Variants in TMEM116 observed in about 807,000 individuals in gnomAD.
TMEM116 encodes the protein transmembrane protein 116.
A neutral mutation model predicts 44.3 loss-of-function variants in TMEM116; 38 were observed. The ratio of observed to expected loss-of-function variants is 0.86; its 90% CI spans 0.66 to 1.12. The LOEUF is 1.12. TMEM116 is among the 50% of genes most tolerant of loss of function. The pLI, the probability that TMEM116 is intolerant of heterozygous loss-of-function variation, is 0.00. For missense variants in TMEM116, 354 were observed against 401.7 expected (o/e 0.88, Z 1.01); for synonymous variants, 132 against 144.8 (o/e 0.91, Z 0.64).
At chr12:111,941,374 CA>C (rs539600816) in intron 5 of TMEM116, among the ~76,000 whole-genome samples, 2,533 of 60,376 alleles carry the variant, frequency 0.042, 47 homozygotes, top group African/African-American at 0.13. Flanking sequence ...GATTCCATCT[CA>C]AAAAAAAAAA....
intron 4 of TMEM116, among the ~76,000 whole-genome samples, chr12:111,988,162 G>A (rs1214735165): frequency 6.6e-6 from 1 of 152,146 alleles, no homozygotes; most frequent in Non-Finnish European, 1.5e-5. Context: ...TGGTTACCAG[G>A]AGCTGGTACT....
In TMEM116 at chr12:111,982,017, C is replaced by T. The variant is rs1258973801; in HGVS notation, c.210+9741G>A. On this transcript the variant is annotated intron_variant, in intron 4 of 10. Coordinates refer to ENST00000552374, the MANE Select transcript of TMEM116 (RefSeq NM_001193531.2). ...AAAGTAGATAGTAGAATGGTGATTA[C>T]CAAGAACTAGGAGGTGGGGAGGAAG... 4.0e-5 allele frequency among the ~76,000 whole-genome samples: 6 copies of T among 151,840 alleles called. No homozygotes were observed. In the East Asian group the frequency reaches 7.7e-4, roughly 20 times the overall value.
At chr12:112,004,977 A>G (rs1952795191) in intron 2 of TMEM116, among the ~76,000 whole-genome samples, 1 of 152,118 alleles carries the variant, frequency 6.6e-6, no homozygotes, top group African/African-American at 2.4e-5. Flanking sequence ...AATTTTTAGT[A>G]TAGGTGCTGC....
At chr12:111,986,416 G>A (rs1416118735) in intron 4 of TMEM116, among the ~76,000 whole-genome samples, 1 of 151,994 alleles carries the variant, frequency 6.6e-6, no homozygotes, top group Non-Finnish European at 1.5e-5. Flanking sequence ...CATATAGACC[G>A]AATGGATCAG....
intron 4 of TMEM116, among the ~76,000 whole-genome samples, chr12:111,991,555 A>G (rs917401350): frequency 8.6e-5 from 13 of 151,886 alleles, no homozygotes; most frequent in Non-Finnish European, 1.6e-4. Flanking sequence ...AAGAGTAAAG[A>G]TAACATTATT....
At chr12:111,984,773 G>A (rs958481796) in intron 4 of TMEM116, among the ~76,000 whole-genome samples, 1 of 151,876 alleles carries the variant, frequency 6.6e-6, no homozygotes, top group Admixed American at 6.6e-5. Flanking sequence ...TACATTGCAT[G>A]CCTGTATCAA....
chr12:111,943,199 C>G, intron 5 of TMEM116, 66 bp downstream of exon 5: 1 of 1,273,322 alleles, frequency 7.9e-7, no homozygotes. Flanking sequence ...GCTGGGATTA[C>G]AGGTAGGAGT....
At chr12:111,994,532 T>A (rs1457717527) in intron 3 of TMEM116, among the ~76,000 whole-genome samples, 1 of 152,156 alleles carries the variant, frequency 6.6e-6, no homozygotes, top group East Asian at 1.9e-4. Context: ...GGTAGGTTAG[T>A]GAGGGATTTA....
chr12:111,938,824 A>C (rs2072408003), intron 5 of TMEM116, among the ~76,000 whole-genome samples: 1 of 152,202 alleles, frequency 6.6e-6, no homozygotes, highest in Non-Finnish European at 1.5e-5. Flanking sequence ...CTTATGATGT[A>C]AGACTTTGAA....
chr12:111,941,664 G>T (rs149418421), intron 5 of TMEM116, among the ~76,000 whole-genome samples: 88 of 152,236 alleles, frequency 5.8e-4, no homozygotes, highest in African/African-American at 2.0e-3. Flanking sequence ...ATGATATCTT[G>T]TTCAGGATAC....
chr12:111,939,880 CTGTGTGTGTGTGTGTGTGTG>C (rs61322648), intron 5 of TMEM116, among the ~76,000 whole-genome samples: 52 of 130,464 alleles, frequency 4.0e-4, no homozygotes, highest in South Asian at 1.6e-3. Flanking sequence ...CTTCAAAGCT[CTGTGTGTGTGTGTGTGTGTG>C]TGTGTGTGTG....
In TMEM116 at chr12:111,983,583, C is replaced by T. The variant is rs541137951; in HGVS notation, c.210+8175G>A. On this transcript the variant is annotated intron_variant, in intron 4 of 10. Coordinates refer to ENST00000552374, the MANE Select transcript of TMEM116 (RefSeq NM_001193531.2). ...CTGCACTCCAGCCTGGGAGACAGAGCAAGACCCTGTCTCAAACAATAATAA... is the reference window on the plus strand; with the variant it reads ...CTGCACTCCAGCCTGGGAGACAGAGTAAGACCCTGTCTCAAACAATAATAA... 2.0e-5 allele frequency among the ~76,000 whole-genome samples: 3 copies of T among 152,060 alleles called. No homozygotes were observed. In the South Asian group the frequency reaches 6.3e-4, roughly 32 times the overall value.
intron 4 of TMEM116, among the ~76,000 whole-genome samples, chr12:111,968,992 CAAAAAAAAA>C (rs1176204219): frequency 4.4e-5 from 2 of 45,194 alleles, no homozygotes; most frequent in Admixed American, 4.9e-4. Flanking sequence ...GACTCTATCT[CAAAAAAAAA>C]AAAAAAAAAA....
chr12:111,988,029 C>T (rs571364030), intron 4 of TMEM116, among the ~76,000 whole-genome samples: 1 of 152,270 alleles, frequency 6.6e-6, no homozygotes, highest in South Asian at 2.1e-4. Flanking sequence ...CATGCTACAA[C>T]AAGATAAACC....
chr12:111,990,769 C>T (rs940976114), intron 4 of TMEM116, among the ~76,000 whole-genome samples: 2 of 152,158 alleles, frequency 1.3e-5, no homozygotes, highest in South Asian at 2.1e-4. Context: ...AAAAGATATA[C>T]AATCCATATA....
At chr12:111,996,039 C>CCA (rs2076916801) in intron 3 of TMEM116, among the ~76,000 whole-genome samples, 1 of 53,684 alleles carries the variant, frequency 1.9e-5, no homozygotes, top group African/African-American at 6.2e-5. Context: ...GACCCTGTCT[C>CCA]AAAAAAAAAA....
chr12:111,969,738 C>T (rs527891533), intron 4 of TMEM116, among the ~76,000 whole-genome samples: 7 of 152,030 alleles, frequency 4.6e-5, no homozygotes, highest in South Asian at 2.1e-4. Context: ...CCACTGCGCC[C>T]GGCTAAATTT....
Position 111,938,215 on chromosome 12 carries a change from G to GA in TMEM116, c.316-6dup. On this transcript the variant is annotated splice_region_variant and splice_polypyrimidine_tract_variant and intron_variant, in intron 5 of 10. Coordinates refer to ENST00000552374, the MANE Select transcript of TMEM116 (RefSeq NM_001193531.2). ...TCGACAAGTATAATCTATCACCTGT[G>GA]AAAAGAATAAATGTGAGAAATGTCT... 3.2e-6 allele frequency: 5 copies of GA among 1,574,112 alleles called. No homozygotes were observed. The highest frequency in any genetic ancestry group is 4.3e-6 in the Non-Finnish European group (5 of 1,161,670).
chr12:111,971,554 T>C (rs532277500), intron 4 of TMEM116, among the ~76,000 whole-genome samples: 8 of 148,528 alleles, frequency 5.4e-5, no homozygotes, highest in Admixed American at 5.3e-4. Context: ...AGACAATATG[T>C]AATAACAAAA....
Sources: allele counts gnomAD v4.1 joint callset (sites outside exome capture counted in the v4.1 genomes callset), GRCh38; gene constraint gnomAD v4.1.1; transcripts MANE v1.5; gene names NCBI Gene and HGNC (gene_info 2026-07-23, HGNC 2026-07-21).